SND1: variants seen among roughly 807,000 people sequenced by gnomAD.
The protein encoded by SND1 is staphylococcal nuclease domain-containing protein 1.
SND1 carries 38 observed loss-of-function variants against 121.7 expected under a neutral mutation model. The ratio of observed to expected loss-of-function variants is 0.31; its 90% CI spans 0.24 to 0.41. The LOEUF is 0.41. SND1 is among the 10% of genes least tolerant of loss of function. The probability of loss-of-function intolerance (pLI) is 1.00; values close to 1 mark genes in which losing one functional copy is unlikely to be tolerated. For missense variants in SND1, 868 were observed against 1,184.6 expected (o/e 0.73, Z 3.92); for synonymous variants, 401 against 447.4 (o/e 0.90, Z 1.31).
At chr7:127,868,948 C>A (rs145313786) in intron 12 of SND1, among the ~76,000 whole-genome samples, 5 of 152,022 alleles carry the variant, frequency 3.3e-5, no homozygotes, top group Non-Finnish European at 5.9e-5. Context: ...GGGGATAGAT[C>A]AGTGCATATG....
chr7:127,899,975 A>T (rs1019890550), intron 13 of SND1, among the ~76,000 whole-genome samples: 2 of 152,128 alleles, frequency 1.3e-5, no homozygotes, highest in African/African-American at 2.4e-5. Flanking sequence ...CAGGGGTCCT[A>T]ATCTCTCTCA....
intron 14 of SND1, among the ~76,000 whole-genome samples, chr7:127,905,442 G>A (rs1362156617): frequency 1.3e-5 from 2 of 152,156 alleles, no homozygotes; most frequent in African/African-American, 2.4e-5. Flanking sequence ...AGATCCGTTT[G>A]ATAGTTGAGC....
chr7:127,752,083 G>T (rs1797107171), intron 10 of SND1, among the ~76,000 whole-genome samples: 1 of 152,218 alleles, frequency 6.6e-6, no homozygotes, highest in Admixed American at 6.5e-5. Flanking sequence ...GTTAGATGTA[G>T]CATTTCTGCC....
At chr7:127,718,789 T>C in intron 9 of SND1, 1 of 962,276 alleles carries the variant, frequency 1.0e-6, no homozygotes, top group Non-Finnish European at 1.2e-6. Context: ...TCTTTGGTTT[T>C]ATTACTCTCT....
chr7:128,089,475 T>G lies in SND1; in HGVS notation c.2419-14T>G. The G allele has an allele frequency of 6.2e-7, 1 of 1,603,306 alleles. No homozygotes were observed. Among genetic ancestry groups the G allele is most frequent in the Non-Finnish European group, 8.5e-7 (1 of 1,172,394 alleles). On this transcript the variant is annotated splice_polypyrimidine_tract_variant and intron_variant, in intron 21 of 23. Coordinates refer to ENST00000354725, the MANE Select transcript of SND1 (RefSeq NM_014390.4). ...TCTCTGGCTTGCTCTGACCTGAGTG[T>G]GTCTCTGCTCCAGGATGATGCCCGC...
At chr7:127,993,846 G>C (rs935703844) in intron 16 of SND1, among the ~76,000 whole-genome samples, 5 of 152,210 alleles carry the variant, frequency 3.3e-5, no homozygotes, top group African/African-American at 4.8e-5. Context: ...CTGGGCCCCT[G>C]TGTGATCCGA....
chr7:127,778,637 A>G (rs1453449569), intron 10 of SND1, among the ~76,000 whole-genome samples: 1 of 152,168 alleles, frequency 6.6e-6, no homozygotes. Context: ...GTTATTTAAC[A>G]TCTTTGAGCT....
chr7:127,821,427 GT>G (rs993957470), intron 11 of SND1, among the ~76,000 whole-genome samples: 1 of 152,130 alleles, frequency 6.6e-6, no homozygotes, highest in Non-Finnish European at 1.5e-5. Flanking sequence ...GGATTGGATT[GT>G]TTTTTCCTGG....
intron 15 of SND1, among the ~76,000 whole-genome samples, chr7:127,955,624 T>C (rs74379641): frequency 2.4e-3 from 364 of 152,270 alleles, no homozygotes; most frequent in African/African-American, 6.6e-3. Flanking sequence ...TCATGCTTTG[T>C]TCAACCTGCC....
At chr7:127,653,806 C>A (rs966317337) in intron 1 of SND1, among the ~76,000 whole-genome samples, 1 of 152,192 alleles carries the variant, frequency 6.6e-6, no homozygotes, top group African/African-American at 2.4e-5. Flanking sequence ...ATTTTCAGTA[C>A]TGCCTTTTCC....
chr7:127,938,967 A>G (rs550146362), intron 15 of SND1, among the ~76,000 whole-genome samples: 14 of 152,240 alleles, frequency 9.2e-5, no homozygotes, highest in Non-Finnish European at 2.1e-4. Flanking sequence ...GAGCAAAGTA[A>G]TTGTGTCTAC....
At chr7:127,997,176 A>G (rs1224080365) in intron 16 of SND1, among the ~76,000 whole-genome samples, 1 of 152,224 alleles carries the variant, frequency 6.6e-6, no homozygotes, top group Non-Finnish European at 1.5e-5. Context: ...TAAGACATAT[A>G]CTAAAACTCA....
intron 18 of SND1, among the ~76,000 whole-genome samples, chr7:128,083,563 A>G (rs1793641309): frequency 6.6e-6 from 1 of 152,262 alleles, no homozygotes; most frequent in Non-Finnish European, 1.5e-5. Context: ...CCCTGCATGC[A>G]TTGGGGATTC....
intron 2 of SND1, among the ~76,000 whole-genome samples, chr7:127,687,897 T>A (rs1319211746): frequency 6.6e-6 from 1 of 152,080 alleles, no homozygotes; most frequent in Non-Finnish European, 1.5e-5. Flanking sequence ...CTCGCTAGTT[T>A]GCCCAGCCTT....
chr7:127,899,667 A>G (rs1368001917), intron 13 of SND1, among the ~76,000 whole-genome samples: 1 of 152,162 alleles, frequency 6.6e-6, no homozygotes, highest in Non-Finnish European at 1.5e-5. Flanking sequence ...GTAGGGGAGG[A>G]AAATGATGAT....
chr7:127,799,609 T>G (rs1296397393), intron 10 of SND1, among the ~76,000 whole-genome samples: 3 of 152,202 alleles, frequency 2.0e-5, no homozygotes, highest in Non-Finnish European at 2.9e-5. Flanking sequence ...ACCTGTACAT[T>G]TTATCACGTA....
intron 11 of SND1, among the ~76,000 whole-genome samples, chr7:127,831,987 T>G (rs1246817759): frequency 6.6e-6 from 1 of 152,334 alleles, no homozygotes; most frequent in Admixed American, 6.5e-5. Context: ...TTTGTTCCCC[T>G]AAAAGGATTA....
At chr7:127,767,073 G>T (rs1797435827) in intron 10 of SND1, among the ~76,000 whole-genome samples, 1 of 151,960 alleles carries the variant, frequency 6.6e-6, no homozygotes, top group Admixed American at 6.6e-5. Flanking sequence ...TATATCTAGG[G>T]TACAAAGTGG....
intron 12 of SND1, among the ~76,000 whole-genome samples, chr7:127,868,254 A>G (rs1799515623): frequency 6.6e-6 from 1 of 152,036 alleles, no homozygotes; most frequent in Non-Finnish European, 1.5e-5. Context: ...GTGTAGCAGC[A>G]TGCGCCTATA....
Sources: allele counts gnomAD v4.1 joint callset (sites outside exome capture counted in the v4.1 genomes callset), GRCh38; gene constraint gnomAD v4.1.1; transcripts MANE v1.5; gene names NCBI Gene and HGNC (gene_info 2026-07-23, HGNC 2026-07-21).